The following SGSM2 variants were observed in gnomAD, a reference collection of about 807,000 sequenced individuals.
SGSM2 encodes small G protein signaling modulator 2.
In SGSM2, 89 loss-of-function variants were observed where a neutral mutation model predicts 126.6. The ratio of observed to expected loss-of-function variants is 0.70; its 90% CI spans 0.59 to 0.84. The LOEUF is 0.84. Among genes scored for constraint, SGSM2 ranks in the 40% least tolerant of loss-of-function variants. The pLI, the probability that SGSM2 is intolerant of heterozygous loss-of-function variation, is 0.00. For missense variants in SGSM2, 1,404 were observed against 1,416.6 expected, an observed-to-expected ratio of 0.99 and a Z score of 0.14; for synonymous variants, 614 against 574.3, an observed-to-expected ratio of 1.07 and a Z score of -0.99.
At chr17:2,346,155 C>T (rs773710814) in intron 2 of SGSM2, among the ~76,000 whole-genome samples, 19 of 152,296 alleles carry the variant, frequency 1.2e-4, no homozygotes, top group Middle Eastern at 3.4e-3. Context: ...CGTCCGAATT[C>T]AGCTTTGTTG....
rs745924796 is a variant in SGSM2 at position 2,362,963 on chromosome 17, T to A, written c.527-26T>A. On this transcript the variant is annotated intron_variant, in intron 5 of 23. Transcript: ENST00000268989. The surrounding 1 kb of genome is among the most constrained non-coding windows in gnomAD (Gnocchi z 4.9). ...GGGCAGGTGCTGAGGGAGCATCGTC[T>A]GGGCTGGCTGTCTCTGTCTCCACAG... The A allele has an allele frequency of 6.2e-7, 1 of 1,614,050 alleles. No homozygotes were observed.
At chr17:2,378,084 T>C (rs2066261232) in intron 22 of SGSM2, 131 bp downstream of exon 22, 2 of 579,000 alleles carry the variant, frequency 3.5e-6, no homozygotes, top group African/African-American at 1.9e-5. Flanking sequence ...GCCAGAACCC[T>C]GGCCCCACCC....
rs113450178 is a variant in SGSM2 at position 2,362,178 on chromosome 17, C to T, written c.366C>T (p.Leu122=). The T allele has an allele frequency of 4.4e-5, 71 of 1,614,074 alleles. 1 individual carries two copies. The highest frequency in any genetic ancestry group is 4.3e-4 in the African/African-American group (32 of 75,068). The part of the protein sequence containing the change: ...QGSASGKAPA[L]SPQALKHVWV... ...CAGCCAGCGGGAAGGCCCCGGCCCT[C>T]AGCCCTCAGGCCTTGAAACACGTAT... Residue 122 remains leucine (L), a synonymous_variant, in exon 4 of 24, where the codon CTC becomes CTT. Transcript: ENST00000268989. This position sits in a 1 kb window ranked among gnomAD's most constrained non-coding sequence, Gnocchi z 4.9.
chr17:2,343,819 C>T (rs2064477410), intron 2 of SGSM2, among the ~76,000 whole-genome samples, 199 bp downstream of exon 2: 1 of 152,270 alleles, frequency 6.6e-6, no homozygotes, highest in South Asian at 2.1e-4. Flanking sequence ...CAAGAATCTG[C>T]GTATTTTTTG....
In SGSM2 at chr17:2,371,660, G is replaced by A. The variant is rs115136040; in HGVS notation, c.1577+245G>A. ...GGGATGATGCCACTTGCTGCCTGCA[G>A]TACTTATGAGGACAGAATGAGAGAG... is the stretch of plus-strand genomic sequence containing the variant. On this transcript the variant is annotated intron_variant, in intron 13 of 23. Transcript: ENST00000268989. The A allele has an allele frequency of 2.9e-5, 15 of 524,862 alleles. No homozygotes were observed. In the East Asian group the frequency reaches 4.9e-4, roughly 17 times the overall value. 32.5% of individuals were successfully genotyped at this position (524,862 alleles called of 1,614,324 possible).
intron 16 of SGSM2, 82 bp from the exon 17 acceptor site, chr17:2,373,249 C>T: frequency 6.5e-7 from 1 of 1,547,660 alleles, no homozygotes; most frequent in Non-Finnish European, 8.8e-7. Context: ...ACTCAGGACC[C>T]AAGGTCCAGT....
chr17:2,363,525 G>C lies in SGSM2; in HGVS notation c.733G>C (p.Glu245Gln), dbSNP rs774371276. 1 of 1,613,458 alleles carries C rather than the reference G, an allele frequency of 6.2e-7. No individual in the cohort carries two copies. The highest frequency in any genetic ancestry group is 8.5e-7 in the Non-Finnish European group (1 of 1,179,980). The stretch of plus-strand genomic sequence containing the variant: ...GGACAGGCTGGCTGCCTGTGCCCGC[G>C]AGTGTGTGGAGTCCCTGCACCAGAA... ...SEDRLAACARECVESLHQNSR... is the reference protein window; with the variant it reads ...SEDRLAACARQCVESLHQNSR... The change falls in exon 7 of 24, where the codon GAG (glutamate) becomes CAG (glutamine). Residue 245 changes from glutamate (E) to glutamine (Q), a missense_variant. By Grantham distance (29) the Glu-to-Gln change is conservative (BLOSUM62 2). Transcript: ENST00000268989. This position sits in a 1 kb window ranked among gnomAD's most constrained non-coding sequence, Gnocchi z 4.2.
intron 1 of SGSM2, among the ~76,000 whole-genome samples, chr17:2,341,410 C>T (rs1361270755): frequency 6.6e-6 from 1 of 152,174 alleles, no homozygotes; most frequent in African/African-American, 2.4e-5. Context: ...GCTTAGAGTG[C>T]ATTTGCATTA....
At chr17:2,371,891 C>T in intron 13 of SGSM2, 1 of 474,224 alleles carries the variant, frequency 2.1e-6, no homozygotes, top group South Asian at 2.6e-5. Context: ...GTTTATTAAT[C>T]CTGATGATCC....
At chr17:2,353,484 C>T (rs867531293) in intron 2 of SGSM2, among the ~76,000 whole-genome samples, 4 of 152,110 alleles carry the variant, frequency 2.6e-5, no homozygotes, top group South Asian at 2.1e-4. Flanking sequence ...ACAGTGGGGC[C>T]GGGCACATTG....
rs1234736986 is a variant in SGSM2 at position 2,351,291 on chromosome 17, CCT to C, written c.133+7674_133+7675del. Among the ~76,000 whole-genome samples the C allele has an allele frequency of 3.3e-5, 5 of 152,188 alleles. No individual in the cohort carries two copies. The East Asian group carries it at 7.7e-4, about 24-fold the overall frequency. ...GGAGAGGAGCTAGTGTTTGAACCCA[CCT>C]CTGTCTTGCTCCAGACTCTGTGCTG... On this transcript the variant is annotated intron_variant, in intron 2 of 23. Transcript: ENST00000268989.
intron 2 of SGSM2, among the ~76,000 whole-genome samples, chr17:2,348,723 C>T (rs2151497500): frequency 6.6e-6 from 1 of 152,246 alleles, no homozygotes; most frequent in Non-Finnish European, 1.5e-5. Context: ...TCTGAGTATG[C>T]AGAAGGTGCT....
chr17:2,376,058 T>C, intron 18 of SGSM2, 79 bp from the exon 19 acceptor site: 1 of 1,599,096 alleles, frequency 6.3e-7, no homozygotes, highest in Non-Finnish European at 8.5e-7. Context: ...TTTTGCTGCA[T>C]TTCTTGGGGC....
rs766922985 is a variant in SGSM2 at position 2,365,200 on chromosome 17, C to T, written c.1162-15C>T. On this transcript the variant is annotated splice_polypyrimidine_tract_variant and intron_variant, in intron 10 of 23. Coordinates refer to ENST00000268989, the MANE Select transcript of SGSM2 (RefSeq NM_014853.3). ...CTGCCCTATACAGCCCGACCACCTA[C>T]CCCTCCTTCCACAGGGGAAAGTGTT... is the stretch of plus-strand genomic sequence containing the variant. The T allele has an allele frequency of 6.2e-7, 1 of 1,604,940 alleles. No individual in the cohort carries two copies. The highest frequency in any genetic ancestry group is 8.5e-7 in the Non-Finnish European group (1 of 1,174,306).
chr17:2,361,441 G>C (rs1009593982), intron 2 of SGSM2, among the ~76,000 whole-genome samples, 196 bp from the exon 3 acceptor site: 2 of 152,202 alleles, frequency 1.3e-5, no homozygotes, highest in African/African-American at 4.8e-5. Flanking sequence ...GGACAGCTTG[G>C]CATGTCAAAG....
At chr17:2,369,478 A>C (rs986383808) in intron 12 of SGSM2, among the ~76,000 whole-genome samples, 1 of 152,180 alleles carries the variant, frequency 6.6e-6, no homozygotes, top group African/African-American at 2.4e-5. Flanking sequence ...AAGCTGACCC[A>C]GCAGACCCCC....
At chr17:2,340,306 G>T (rs1020113746) in intron 1 of SGSM2, among the ~76,000 whole-genome samples, 2 of 151,878 alleles carry the variant, frequency 1.3e-5, no homozygotes, top group Admixed American at 1.3e-4. Flanking sequence ...GTAGAGATGG[G>T]GTTTCACCAT....
intron 12 of SGSM2, among the ~76,000 whole-genome samples, chr17:2,370,040 A>T (rs2065791785): frequency 6.6e-6 from 1 of 152,150 alleles, no homozygotes; most frequent in Non-Finnish European, 1.5e-5. Flanking sequence ...GAAGGGGCTC[A>T]GCTCAGCCCT....
Position 2,379,665 on chromosome 17 carries a change from G to A in SGSM2, c.*145G>A, listed in dbSNP as rs375505178. 6.0e-4 allele frequency: 872 copies of A among 1,454,490 alleles called. 12 individuals are homozygous for A. The East Asian group carries it at 0.015, about 25-fold the overall frequency. The allele number at this position is 1,454,490 out of a possible 1,614,324, so 90.1% of individuals were successfully genotyped here. A position where few individuals can be genotyped will look rare whatever the true frequency, so the allele number is the denominator to read the frequency against. On this transcript the variant is annotated 3_prime_UTR_variant, in exon 24 of 24. Transcript: ENST00000268989. ...GGTTGTGAGCCTGGATCCGACTCCC[G>A]GCAGTGCTGACCCTGCAGGGCAAGT...
Sources: gnomAD v4.1 joint callset for allele counts (sites outside exome capture counted in the v4.1 genomes callset) on GRCh38, gnomAD v4.1.1 for gene constraint, Gnocchi (gnomAD v3.1) non-coding constraint, MANE v1.5 for transcripts, NCBI Gene and HGNC (gene_info 2026-07-23, HGNC 2026-07-21) for gene names.